Variants in RCBTB1 observed in about 807,000 individuals in gnomAD.
RCBTB1 encodes the protein RCC1 and BTB domain-containing protein 1.
A neutral mutation model predicts 62.4 loss-of-function variants in RCBTB1; 46 were observed. That is an observed-to-expected ratio of 0.74 (90% CI 0.58 to 0.94). RCBTB1 has a LOEUF of 0.94. Among genes scored for constraint, RCBTB1 ranks in the 40% least tolerant of loss-of-function variants. The probability of loss-of-function intolerance (pLI) is 0.00; values close to 1 mark genes in which losing one functional copy is unlikely to be tolerated. For synonymous variants in RCBTB1, 222 were observed against 245.8 expected (o/e 0.90, Z 0.91); for missense variants, 565 against 654.9 (o/e 0.86, Z 1.50).
intron 12 of RCBTB1, among the ~76,000 whole-genome samples, chr13:49,539,843 C>CG (rs1432207217): frequency 6.6e-6 from 1 of 152,124 alleles, no homozygotes; most frequent in Non-Finnish European, 1.5e-5. Flanking sequence ...TAGCCTCAAA[C>CG]AAAAATAAGA....
At chr13:49,550,502 G>GC (rs1485262378) in intron 8 of RCBTB1, 1 of 716,936 alleles carries the variant, frequency 1.4e-6, no homozygotes, top group Admixed American at 6.3e-5. Flanking sequence ...CAATTAGGCT[G>GC]AACAACATCA....
At chr13:49,571,219 G>A (rs1458530758) in intron 2 of RCBTB1, among the ~76,000 whole-genome samples, 1 of 152,058 alleles carries the variant, frequency 6.6e-6, no homozygotes, top group African/African-American at 2.4e-5. Context: ...GGTGGCACAT[G>A]CCTGTAATCC....
chr13:49,577,878 C>G (rs74929591), intron 2 of RCBTB1, among the ~76,000 whole-genome samples: 3,200 of 152,246 alleles, frequency 0.021, 100 homozygotes, highest in African/African-American at 0.072. Context: ...ATTGCAAAAA[C>G]TTTGAATTAA....
chr13:49,556,351 C>G (rs1393213520), intron 5 of RCBTB1, among the ~76,000 whole-genome samples: 5 of 151,964 alleles, frequency 3.3e-5, no homozygotes, highest in Non-Finnish European at 7.4e-5. Flanking sequence ...CCACCATGCC[C>G]GGCTAATTTT....
intron 5 of RCBTB1, among the ~76,000 whole-genome samples, chr13:49,557,033 CATGAGGCCTGTGTGCTATGCCTGGCT>C (rs1961964013): frequency 6.6e-6 from 1 of 152,156 alleles, no homozygotes; most frequent in Non-Finnish European, 1.5e-5. Context: ...GGATCTGGGG[CATGAGGCCTGTGTGCTATGCCTGGCT>C]CCAGCACATC....
At chr13:49,559,825 C>T in intron 5 of RCBTB1, 93 bp downstream of exon 5, 2 of 1,173,632 alleles carry the variant, frequency 1.7e-6, no homozygotes, top group South Asian at 3.0e-5. Context: ...CTGAACTATA[C>T]ACTTAAAACT....
At chr13:49,552,352 AC>A in intron 6 of RCBTB1, 67 bp from the exon 7 acceptor site, 3 of 988,626 alleles carry the variant, frequency 3.0e-6, no homozygotes, top group Non-Finnish European at 4.6e-6. Flanking sequence ...AGACAAAAAA[AC>A]CAGCCCATCT....
At chr13:49,580,871 C>T (rs1229896049) in intron 1 of RCBTB1, among the ~76,000 whole-genome samples, 1 of 152,216 alleles carries the variant, frequency 6.6e-6, no homozygotes, top group African/African-American at 2.4e-5. Context: ...ACAGAGCCAA[C>T]ACCAACAGAA....
chr13:49,542,894 T>C (rs1960496915), intron 10 of RCBTB1, among the ~76,000 whole-genome samples: 2 of 152,362 alleles, frequency 1.3e-5, no homozygotes, highest in Non-Finnish European at 2.9e-5. Flanking sequence ...GATTTTCTTA[T>C]GTATAACACA....
chr13:49,559,427 C>T (rs956542376), intron 5 of RCBTB1, among the ~76,000 whole-genome samples: 5 of 152,046 alleles, frequency 3.3e-5, no homozygotes, highest in Non-Finnish European at 7.4e-5. Flanking sequence ...GAGGCCAAGG[C>T]GGGCAGATCA....
intron 2 of RCBTB1, among the ~76,000 whole-genome samples, chr13:49,568,155 C>A (rs1208662601): frequency 6.6e-6 from 1 of 152,180 alleles, no homozygotes; most frequent in African/African-American, 2.4e-5. Context: ...AACAGAAGCA[C>A]AAATGGAAGT....
chr13:49,559,623 T>C lies in RCBTB1; in HGVS notation c.444+295A>G, dbSNP rs576539615. ...GTGAGCAGAGATCGTGCCACTGTAC[T>C]CCAGCCTGGGCGACAGAGCGAGACT... is the stretch of plus-strand genomic sequence containing the variant. On this transcript the variant is annotated intron_variant, in intron 5 of 12. Transcript: ENST00000378302. Among the ~76,000 whole-genome samples, 164 of 132,658 alleles carry C rather than the reference T, an allele frequency of 1.2e-3. 2 individuals carry two copies. Among genetic ancestry groups the C allele is most frequent in the Middle Eastern group, 4.5e-3 (1 of 220 alleles). 87.0% of individuals were successfully genotyped at this position (132,658 alleles called of 152,430 possible). A position where few individuals can be genotyped will look rare whatever the true frequency, so the allele number is the denominator to read the frequency against.
intron 10 of RCBTB1, among the ~76,000 whole-genome samples, chr13:49,542,623 C>A (rs905837956): frequency 4.6e-5 from 7 of 151,774 alleles, no homozygotes; most frequent in Admixed American, 3.9e-4. Context: ...TATATGTTAA[C>A]TGGATTACAT....
intron 5 of RCBTB1, among the ~76,000 whole-genome samples, chr13:49,557,766 A>T (rs533171502): frequency 1.1e-4 from 16 of 150,880 alleles, no homozygotes; most frequent in South Asian, 2.1e-4. Context: ...ACAAAAAAAA[A>T]TTTTTTTTTT....
chr13:49,564,790 C>T (rs1167905658), intron 4 of RCBTB1, among the ~76,000 whole-genome samples: 20 of 150,298 alleles, frequency 1.3e-4, no homozygotes, highest in African/African-American at 4.9e-4. Context: ...ACTCGGGAGG[C>T]TGAGGCAGGA....
rs1959602402 is a variant in RCBTB1, at chr13:49,532,062, C to A, written c.*2060G>T. 1 of 152,428 alleles carries A rather than the reference C, an allele frequency of 6.6e-6. No individual in the cohort carries two copies. Among genetic ancestry groups the A allele is most frequent in the Non-Finnish European group, 1.5e-5 (1 of 68,012 alleles). 9.4% of individuals were successfully genotyped at this position (152,428 alleles called of 1,614,324 possible). ...AAGAAGTTCAAGAGTACATTTAGGG[C>A]TATCTTAAGAAATATGAATACTTTG... On this transcript the variant is annotated 3_prime_UTR_variant, in exon 13 of 13. Coordinates refer to ENST00000378302, the MANE Select transcript of RCBTB1 (RefSeq NM_018191.4).
chr13:49,578,932 C>T lies in RCBTB1; in HGVS notation c.-42+1573G>A, dbSNP rs554496394. 3.9e-5 allele frequency among the ~76,000 whole-genome samples: 6 copies of T among 152,250 alleles called. No homozygotes were observed. The East Asian group carries it at 7.7e-4, about 20-fold the overall frequency. On this transcript the variant is annotated intron_variant, in intron 2 of 12. Coordinates refer to ENST00000378302, the MANE Select transcript of RCBTB1 (RefSeq NM_018191.4). Reference sequence around the variant, plus strand: ...AAAACATTCAAATAAGAGAGCTCTACGGTTTGGGGTAAACTTTGGTATACA... The same window carrying T: ...AAAACATTCAAATAAGAGAGCTCTATGGTTTGGGGTAAACTTTGGTATACA...
intron 4 of RCBTB1, among the ~76,000 whole-genome samples, chr13:49,566,301 A>G (rs2137315368): frequency 1.1e-5 from 1 of 89,870 alleles, no homozygotes; most frequent in South Asian, 4.7e-4. Context: ...TAAATAAATA[A>G]ATAAAAAAGT....
At chr13:49,554,028 G>A (rs1490718074) in intron 6 of RCBTB1, among the ~76,000 whole-genome samples, 1 of 152,176 alleles carries the variant, frequency 6.6e-6, no homozygotes, top group Non-Finnish European at 1.5e-5. Flanking sequence ...ATTCACAGAA[G>A]CCAAAGTCAG....
Sources: gnomAD v4.1 joint callset for allele counts (sites outside exome capture counted in the v4.1 genomes callset) on GRCh38, gnomAD v4.1.1 for gene constraint, MANE v1.5 for transcripts, NCBI Gene and HGNC (gene_info 2026-07-23, HGNC 2026-07-21) for gene names.